Variants in EYS observed in about 807,000 individuals in gnomAD.
EYS encodes the protein EGF-like photoreceptor maintenance factor.
EYS carries 250 observed loss-of-function variants against 282.1 expected under a neutral mutation model. The ratio of observed to expected loss-of-function variants is 0.89; its 90% CI spans 0.80 to 0.98. EYS has a LOEUF of 0.98. Among genes scored for constraint, EYS ranks in the 50% least tolerant of loss-of-function variants. The pLI, the probability that EYS is intolerant of heterozygous loss-of-function variation, is 0.00. For synonymous variants in EYS, 1,355 were observed against 1,282.9 expected (o/e 1.06, Z -1.20); for missense variants, 4,016 against 3,709.0 (o/e 1.08, Z -2.15).
intron 2 of EYS, among the ~76,000 whole-genome samples, chr6:65,573,452 G>C (rs1764549668): frequency 6.6e-6 from 1 of 152,092 alleles, no homozygotes; most frequent in Non-Finnish European, 1.5e-5. Flanking sequence ...ACCCAGAGAG[G>C]GAGACGCCAC....
At chr6:64,283,148 G>T (rs760107415) in intron 30 of EYS, among the ~76,000 whole-genome samples, 76 of 152,172 alleles carry the variant, frequency 5.0e-4, no homozygotes, top group Middle Eastern at 6.8e-3. Context: ...ATACTTTTAT[G>T]TTATCTGGTT....
chr6:64,231,636 G>C (rs1352254258), intron 30 of EYS, among the ~76,000 whole-genome samples: 1 of 152,006 alleles, frequency 6.6e-6, no homozygotes, highest in Non-Finnish European at 1.5e-5. Context: ...TTTTGTCCCT[G>C]GCCCAACAAG....
chr6:63,943,003 A>G (rs79993640), intron 35 of EYS, among the ~76,000 whole-genome samples: 1 of 152,222 alleles, frequency 6.6e-6, no homozygotes, highest in Non-Finnish European at 1.5e-5. Flanking sequence ...AATACAGTAT[A>G]TAATGTATAT....
intron 12 of EYS, among the ~76,000 whole-genome samples, chr6:65,172,906 A>G (rs1037520807): frequency 6.6e-6 from 1 of 151,120 alleles, no homozygotes; most frequent in African/African-American, 2.4e-5. Context: ...AACATGAAGG[A>G]ACCCAGTGTG....
rs907934021 is a variant in EYS at position 65,002,125 on chromosome 6, G to T, written c.2138-4422C>A. ...TGTCTATTATAATCATTATAGTAGG[G>T]CTGCCTACATATTTCAAAAACAAAA... On this transcript the variant is annotated intron_variant, in intron 13 of 42. Transcript: ENST00000503581. 2.1e-5 allele frequency among the ~76,000 whole-genome samples: 3 copies of T among 146,284 alleles called. 1 individual carries two copies. Among genetic ancestry groups the T allele is most frequent in the African/African-American group, 7.3e-5 (3 of 40,934 alleles).
intron 31 of EYS, among the ~76,000 whole-genome samples, chr6:64,084,888 G>T (rs939563738): frequency 1.3e-5 from 2 of 152,094 alleles, no homozygotes; most frequent in Non-Finnish European, 2.9e-5. Context: ...ATGACTTCAG[G>T]CCAGTTGCTT....
At chr6:64,681,720 G>A (rs889038605) in intron 22 of EYS, among the ~76,000 whole-genome samples, 1 of 152,178 alleles carries the variant, frequency 6.6e-6, no homozygotes, top group African/African-American at 2.4e-5. Context: ...AGACCGACAA[G>A]GTTAAGGAGA....
intron 33 of EYS, among the ~76,000 whole-genome samples, chr6:64,013,631 A>G (rs117363243): frequency 0.015 from 2,234 of 152,262 alleles, 58 homozygotes; most frequent in East Asian, 0.047. Context: ...TATTCCAGGG[A>G]AAGTGGCAAA....
At chr6:63,732,328 C>G (rs934496479) in intron 41 of EYS, among the ~76,000 whole-genome samples, 1 of 151,962 alleles carries the variant, frequency 6.6e-6, no homozygotes, top group Non-Finnish European at 1.5e-5. Context: ...GCTCTAATAG[C>G]TTATTATTTG....
At chr6:64,353,118 G>A (rs993337141) in intron 29 of EYS, among the ~76,000 whole-genome samples, 2 of 151,392 alleles carry the variant, frequency 1.3e-5, no homozygotes, top group East Asian at 3.9e-4. Context: ...ATGACTAGGT[G>A]CTTCATGAAT....
At chr6:64,909,564 C>T (rs1307709822) in intron 16 of EYS, among the ~76,000 whole-genome samples, 2 of 152,054 alleles carry the variant, frequency 1.3e-5, no homozygotes, top group Non-Finnish European at 2.9e-5. Flanking sequence ...GTCACATGCT[C>T]TTTTGCCTCC....
At chr6:65,083,199 C>T (rs778285828) in intron 12 of EYS, among the ~76,000 whole-genome samples, 14 of 151,894 alleles carry the variant, frequency 9.2e-5, no homozygotes, top group African/African-American at 2.9e-4. Flanking sequence ...ACTCACGAAC[C>T]TTTAAAAGGG....
intron 19 of EYS, among the ~76,000 whole-genome samples, chr6:64,860,451 C>G (rs1039265733): frequency 2.6e-5 from 4 of 152,206 alleles, no homozygotes; most frequent in African/African-American, 9.7e-5. Flanking sequence ...GCTGGAAGCT[C>G]CAGGCACCAG....
intron 31 of EYS, among the ~76,000 whole-genome samples, chr6:64,193,253 A>G: frequency 6.6e-6 from 1 of 152,126 alleles, no homozygotes; most frequent in Non-Finnish European, 1.5e-5. Context: ...CAATTCAATA[A>G]CTTGACTCTA....
At chr6:64,470,880 G>A (rs547008422) in intron 26 of EYS, among the ~76,000 whole-genome samples, 1 of 152,234 alleles carries the variant, frequency 6.6e-6, no homozygotes, top group African/African-American at 2.4e-5. Flanking sequence ...ATTTTAGAAG[G>A]AGATGAGTTG....
At chr6:65,369,397 CAA>C (rs1242088353) in intron 8 of EYS, among the ~76,000 whole-genome samples, 2 of 147,416 alleles carry the variant, frequency 1.4e-5, no homozygotes, top group East Asian at 4.0e-4. Context: ...AAGAAAATAA[CAA>C]GAAAACAATT....
At chr6:64,929,894 T>A (rs1768651477) in intron 15 of EYS, among the ~76,000 whole-genome samples, 2 of 152,168 alleles carry the variant, frequency 1.3e-5, no homozygotes, top group African/African-American at 4.8e-5. Flanking sequence ...TACTACTTTT[T>A]AACACTGTGA....
At chr6:64,800,887 C>A (rs1253382938) in intron 22 of EYS, among the ~76,000 whole-genome samples, 1 of 152,030 alleles carries the variant, frequency 6.6e-6, no homozygotes, top group South Asian at 2.1e-4. Flanking sequence ...GAATTTTGAA[C>A]ATTTTTTCAC....
At position 64,633,838 on chromosome 6, in the gene EYS, ACC is replaced by A. The variant is rs544969324; in HGVS notation, c.3444-7595_3444-7594del. Among the ~76,000 whole-genome samples, 270 of 152,194 alleles carry A rather than the reference ACC, an allele frequency of 1.8e-3. 2 individuals carry two copies. Among genetic ancestry groups the A allele is most frequent in the African/African-American group, 6.4e-3 (265 of 41,546 alleles). ...AGTAAATATAGAAGGGGATCTTTCA[ACC>A]CCATGTGGGTCTTTATATGATTGTA... On this transcript the variant is annotated intron_variant, in intron 22 of 42. Coordinates refer to ENST00000503581, the MANE Select transcript of EYS (RefSeq NM_001142800.2).
Sources: gnomAD v4.1 joint callset for allele counts (sites outside exome capture counted in the v4.1 genomes callset) on GRCh38, gnomAD v4.1.1 for gene constraint, MANE v1.5 for transcripts, NCBI Gene and HGNC (gene_info 2026-07-23, HGNC 2026-07-21) for gene names.